Variants in PLCB1 observed in about 807,000 individuals in gnomAD.
PLCB1 encodes phospholipase C beta 1.
Under a neutral mutation model 161.8 loss-of-function variants are expected in PLCB1, and 46 were observed. The ratio of observed to expected loss-of-function variants is 0.28; its 90% confidence interval spans 0.22 to 0.36. The LOEUF (loss-of-function observed/expected upper bound fraction) is 0.36, where lower values mean the gene tolerates loss of function less well. Among genes scored for constraint, PLCB1 ranks in the 10% least tolerant of loss-of-function variants. The probability of loss-of-function intolerance (pLI) is 1.00; values close to 1 mark genes in which losing one functional copy is unlikely to be tolerated. For missense variants in PLCB1, 1,016 were observed against 1,472.5 expected, an observed-to-expected ratio of 0.69 and a Z score of 5.07; for synonymous variants, 517 against 503.7, an observed-to-expected ratio of 1.03 and a Z score of -0.35.
chr20:8,563,828 G>A (rs1222262110), intron 3 of PLCB1, among the ~76,000 whole-genome samples: 1 of 152,028 alleles, frequency 6.6e-6, no homozygotes, highest in Non-Finnish European at 1.5e-5. Context: ...ACAAACCACT[G>A]CTCAAGGAAA....
At chr20:8,596,666 G>A (rs1987360739) in intron 3 of PLCB1, among the ~76,000 whole-genome samples, 1 of 117,158 alleles carries the variant, frequency 8.5e-6, no homozygotes, top group African/African-American at 3.3e-5. Flanking sequence ...TATGGGGATG[G>A]CATTGAATCT....
intron 3 of PLCB1, among the ~76,000 whole-genome samples, chr20:8,580,533 G>A (rs1986801947): frequency 6.6e-6 from 1 of 152,150 alleles, no homozygotes; most frequent in African/African-American, 2.4e-5. Flanking sequence ...AAATATGTGG[G>A]AAAAATACAT....
intron 31 of PLCB1, among the ~76,000 whole-genome samples, chr20:8,852,303 A>T (rs189932279): frequency 2.0e-5 from 3 of 152,350 alleles, no homozygotes; most frequent in Admixed American, 2.0e-4. Flanking sequence ...GCTGTGTTAC[A>T]AAGTGTTCCT....
At chr20:8,728,460 A>G (rs1980058797) in intron 17 of PLCB1, among the ~76,000 whole-genome samples, 2 of 152,100 alleles carry the variant, frequency 1.3e-5, no homozygotes, top group Admixed American at 6.6e-5. Context: ...AGAAACTTCC[A>G]TGGTACATTG....
intron 9 of PLCB1, 52 bp from the exon 10 acceptor site, chr20:8,684,880 T>A: frequency 6.9e-7 from 1 of 1,455,242 alleles, no homozygotes; most frequent in South Asian, 1.3e-5. Flanking sequence ...AGAGGCGACT[T>A]GACACCCATA....
intron 31 of PLCB1, among the ~76,000 whole-genome samples, chr20:8,870,669 C>T (rs954197232): frequency 7.2e-5 from 11 of 152,138 alleles, no homozygotes; most frequent in African/African-American, 2.7e-4. Flanking sequence ...TTTGGATCTA[C>T]TTAGTATTTT....
At chr20:8,389,085 A>G (rs1987516583) in intron 3 of PLCB1, among the ~76,000 whole-genome samples, 2 of 152,240 alleles carry the variant, frequency 1.3e-5, no homozygotes, top group Non-Finnish European at 2.9e-5. Context: ...TAAAATGTAG[A>G]ATATTTTCTT....
At position 8,244,591 on chromosome 20, in the gene PLCB1, A is replaced by G. The variant is rs147120576; in HGVS notation, c.177+94220A>G. On this transcript the variant is annotated intron_variant, in intron 2 of 31. Coordinates refer to ENST00000338037, the MANE Select transcript of PLCB1 (RefSeq NM_015192.4). ...CTCTCTTCCTGGGGAGGGTTTTTCC[A>G]GGAAAGGGGTGCCTGATAATTTTGG... Among the ~76,000 whole-genome samples, 264 of 151,948 alleles carry G rather than the reference A, an allele frequency of 1.7e-3. 1 individual carries two copies. Among genetic ancestry groups the G allele is most frequent in the Non-Finnish European group, 2.7e-3 (183 of 67,862 alleles).
intron 3 of PLCB1, among the ~76,000 whole-genome samples, chr20:8,468,608 C>A (rs920535501): frequency 2.3e-4 from 35 of 152,264 alleles, no homozygotes; most frequent in African/African-American, 8.4e-4. Flanking sequence ...TGATTCAAAA[C>A]ATTTCCTGCT....
intron 3 of PLCB1, among the ~76,000 whole-genome samples, chr20:8,581,914 C>T (rs963071406): frequency 2.0e-5 from 3 of 152,052 alleles, no homozygotes; most frequent in Non-Finnish European, 4.4e-5. Flanking sequence ...CAGTGTTGTG[C>T]GAGAACCAAT....
rs144178425 is a variant in PLCB1 at position 8,149,561 on chromosome 20, T to G, written c.100-733T>G. ...TTTATGTCTCTCTAAAAAATGCAAT[T>G]CCTGCAAAGGCCTGAGTGTTTCAGT... On this transcript the variant is annotated intron_variant, in intron 1 of 31. Transcript: ENST00000338037. 6.5e-3 allele frequency among the ~76,000 whole-genome samples: 993 copies of G among 152,278 alleles called. 10 individuals carry two copies. Among genetic ancestry groups the G allele is most frequent in the African/African-American group, 0.023 (936 of 41,564 alleles).
chr20:8,237,229 A>G (rs1980372852), intron 2 of PLCB1, among the ~76,000 whole-genome samples: 1 of 152,130 alleles, frequency 6.6e-6, no homozygotes, highest in South Asian at 2.1e-4. Context: ...ATTCAGCCAA[A>G]GGAATAAATT....
intron 3 of PLCB1, among the ~76,000 whole-genome samples, chr20:8,458,296 T>C (rs990022380): frequency 6.6e-6 from 1 of 152,186 alleles, no homozygotes; most frequent in African/African-American, 2.4e-5. Flanking sequence ...TTGTCATATA[T>C]TGTCTGGCCA....
At chr20:8,405,454 G>A (rs1471284343) in intron 3 of PLCB1, among the ~76,000 whole-genome samples, 5 of 152,110 alleles carry the variant, frequency 3.3e-5, no homozygotes, top group Non-Finnish European at 7.3e-5. Flanking sequence ...ACATGCTTTC[G>A]CCCAAAGCAA....
chr20:8,261,199 C>G (rs184504474), intron 2 of PLCB1, among the ~76,000 whole-genome samples: 15 of 152,220 alleles, frequency 9.9e-5, no homozygotes, highest in Admixed American at 5.9e-4. Flanking sequence ...GTCTCAGGCT[C>G]TACATTTAGG....
At chr20:8,206,296 T>C (rs534400064) in intron 2 of PLCB1, among the ~76,000 whole-genome samples, 2 of 152,302 alleles carry the variant, frequency 1.3e-5, no homozygotes, top group Admixed American at 1.3e-4. Flanking sequence ...TCCCACCTTC[T>C]TGGTATTTTA....
At chr20:8,483,292 G>A (rs1982584587) in intron 3 of PLCB1, among the ~76,000 whole-genome samples, 2 of 152,158 alleles carry the variant, frequency 1.3e-5, no homozygotes, top group African/African-American at 4.8e-5. Context: ...TGACTGGGAT[G>A]GGCTTAGCTG....
chr20:8,444,590 T>C (rs1054315518), intron 3 of PLCB1, among the ~76,000 whole-genome samples: 2 of 152,202 alleles, frequency 1.3e-5, no homozygotes, highest in African/African-American at 4.8e-5. Context: ...GGTCAAATGG[T>C]ATTTCTAGTT....
At chr20:8,529,126 A>G (rs1271519974) in intron 3 of PLCB1, among the ~76,000 whole-genome samples, 2 of 152,012 alleles carry the variant, frequency 1.3e-5, no homozygotes, top group Non-Finnish European at 2.9e-5. Flanking sequence ...TTCTATTTCA[A>G]GAAATATTGA....
Sources: gnomAD v4.1 joint callset for allele counts (sites outside exome capture counted in the v4.1 genomes callset) on GRCh38, gnomAD v4.1.1 for gene constraint, MANE v1.5 for transcripts, NCBI Gene and HGNC (gene_info 2026-07-23, HGNC 2026-07-21) for gene names.